The following DPP10 variants were observed in gnomAD, a reference collection of about 807,000 sequenced individuals.
DPP10 encodes the protein dipeptidyl peptidase like 10, also known as inactive dipeptidyl peptidase 10.
DPP10 carries 33 observed loss-of-function variants against 120.9 expected under a neutral mutation model. The ratio of observed to expected loss-of-function variants is 0.27; its 90% CI spans 0.21 to 0.37. The LOEUF (loss-of-function observed/expected upper bound fraction) is 0.37. Ranked by LOEUF, DPP10 falls within the 10% of genes least tolerant of loss-of-function variation. The pLI is 1.00. For synonymous variants in DPP10, 337 were observed against 326.1 expected (o/e 1.03, Z -0.36); for missense variants, 816 against 942.8 (o/e 0.87, Z 1.76).
intron 3 of DPP10, among the ~76,000 whole-genome samples, chr2:115,432,166 A>C (rs1453947061): frequency 6.6e-6 from 1 of 152,184 alleles, no homozygotes; most frequent in South Asian, 2.1e-4. Context: ...ATTGTTATCT[A>C]TTAGTCACCT....
At chr2:115,330,401 G>A (rs1258628722) in intron 2 of DPP10, among the ~76,000 whole-genome samples, 2 of 150,696 alleles carry the variant, frequency 1.3e-5, no homozygotes, top group African/African-American at 4.9e-5. Context: ...TCACTCTGAT[G>A]GTAGTTTCTT....
intron 1 of DPP10, among the ~76,000 whole-genome samples, chr2:115,210,213 T>A (rs893669229): frequency 4.6e-5 from 7 of 152,088 alleles, no homozygotes; most frequent in Admixed American, 3.9e-4. Flanking sequence ...GTGTTCCCCA[T>A]CCTGTGTCCA....
At chr2:114,848,966 T>G (rs1383520519) in intron 1 of DPP10, among the ~76,000 whole-genome samples, 1 of 152,196 alleles carries the variant, frequency 6.6e-6, no homozygotes, top group East Asian at 1.9e-4. Flanking sequence ...ATTCTTACTG[T>G]GTCCTCACAT....
At chr2:114,462,162 T>A in intron 1 of DPP10, 3 of 984,966 alleles carry the variant, frequency 3.0e-6, no homozygotes, top group Non-Finnish European at 2.4e-6. Flanking sequence ...TATTAAAAAA[T>A]ACACATTAAA....
At chr2:115,615,163 C>G (rs1026178703) in intron 5 of DPP10, among the ~76,000 whole-genome samples, 3 of 151,884 alleles carry the variant, frequency 2.0e-5, no homozygotes, top group Non-Finnish European at 4.4e-5. Context: ...AAAAAAAAAG[C>G]TTGATTAGCT....
At chr2:115,349,643 T>C (rs1374319435) in intron 3 of DPP10, among the ~76,000 whole-genome samples, 4 of 152,106 alleles carry the variant, frequency 2.6e-5, no homozygotes, top group Non-Finnish European at 5.9e-5. Context: ...GAAAAGTCAC[T>C]ATTGTAGCCT....
At chr2:114,473,140 A>G (rs528975722) in intron 1 of DPP10, among the ~76,000 whole-genome samples, 3 of 152,326 alleles carry the variant, frequency 2.0e-5, no homozygotes, top group East Asian at 1.9e-4. Flanking sequence ...AGTCCTCTGC[A>G]TCTACTAGAA....
chr2:114,521,239 C>G (rs4564772), intron 1 of DPP10, among the ~76,000 whole-genome samples: 2 of 141,850 alleles, frequency 1.4e-5, no homozygotes, highest in Admixed American at 7.6e-5. Context: ...ATCTGTCTCT[C>G]TCACATGCAC....
intron 1 of DPP10, among the ~76,000 whole-genome samples, chr2:114,595,210 G>A (rs1309208922): frequency 1.3e-5 from 2 of 151,958 alleles, no homozygotes; most frequent in African/African-American, 4.8e-5. Context: ...AACAGACAAC[G>A]TACACACAGA....
At chr2:115,699,614 G>T (rs2091793785) in intron 7 of DPP10, among the ~76,000 whole-genome samples, 1 of 152,044 alleles carries the variant, frequency 6.6e-6, no homozygotes, top group Admixed American at 6.6e-5. Context: ...GTCTCAAAAA[G>T]AAAAACAAAC....
intron 3 of DPP10, among the ~76,000 whole-genome samples, chr2:115,356,295 G>A (rs1334099773): frequency 2.0e-5 from 3 of 152,114 alleles, no homozygotes; most frequent in African/African-American, 2.4e-5. Flanking sequence ...ATATTCCTAG[G>A]TATTTTATTC....
At chr2:115,345,239 A>G (rs138571471) in intron 3 of DPP10, among the ~76,000 whole-genome samples, 203 of 152,284 alleles carry the variant, frequency 1.3e-3, no homozygotes, top group African/African-American at 4.6e-3. Flanking sequence ...TTCTTAATGA[A>G]TCTGTATATT....
At chr2:114,756,220 G>A (rs1487772626) in intron 1 of DPP10, among the ~76,000 whole-genome samples, 1 of 152,188 alleles carries the variant, frequency 6.6e-6, no homozygotes, top group Non-Finnish European at 1.5e-5. Flanking sequence ...GGAAGAGTGG[G>A]AAAGGTAGAG....
At chr2:115,384,565 G>A (rs1196792649) in intron 3 of DPP10, among the ~76,000 whole-genome samples, 1 of 144,716 alleles carries the variant, frequency 6.9e-6, no homozygotes, top group Non-Finnish European at 1.5e-5. Context: ...AGAGGAAGAA[G>A]AAGAAGAAGA....
chr2:114,504,072 C>T (rs971374976), intron 1 of DPP10, among the ~76,000 whole-genome samples: 1 of 152,184 alleles, frequency 6.6e-6, no homozygotes, highest in Non-Finnish European at 1.5e-5. Context: ...TACCTCCCTA[C>T]TGTCACAGTA....
intron 1 of DPP10, among the ~76,000 whole-genome samples, chr2:115,125,868 C>T (rs2104760027): frequency 6.6e-6 from 1 of 152,254 alleles, no homozygotes; most frequent in African/African-American, 2.4e-5. Flanking sequence ...AGGTGCAAGG[C>T]ACCGCGCCCA....
At chr2:115,505,048 T>C (rs935415633) in intron 4 of DPP10, among the ~76,000 whole-genome samples, 1 of 152,074 alleles carries the variant, frequency 6.6e-6, no homozygotes, top group African/African-American at 2.4e-5. Flanking sequence ...TTATGAAGGA[T>C]CTAGAAATTA....
intron 1 of DPP10, among the ~76,000 whole-genome samples, chr2:115,308,139 A>C (rs577189237): frequency 6.6e-6 from 1 of 152,216 alleles, no homozygotes; most frequent in East Asian, 1.9e-4. Flanking sequence ...TACCAAAATA[A>C]CTATATGAAT....
intron 1 of DPP10, among the ~76,000 whole-genome samples, chr2:115,225,289 C>T (rs550688696): frequency 1.5e-4 from 23 of 152,084 alleles, no homozygotes; most frequent in African/African-American, 4.3e-4. Flanking sequence ...GTTGCAGAGA[C>T]GCAGAACAGG....
Sources: gnomAD v4.1 joint callset for allele counts (sites outside exome capture counted in the v4.1 genomes callset) on GRCh38, gnomAD v4.1.1 for gene constraint, MANE v1.5 for transcripts, NCBI Gene and HGNC (gene_info 2026-07-23, HGNC 2026-07-21) for gene names.